Variants in COQ8B observed in about 807,000 individuals in gnomAD.
COQ8B encodes coenzyme Q8B, also known as atypical kinase COQ8B, mitochondrial.
COQ8B carries 44 observed loss-of-function variants against 62.0 expected under a neutral mutation model. The observed-to-expected ratio is 0.71, with a 90% confidence interval of 0.56 to 0.91. The LOEUF (loss-of-function observed/expected upper bound fraction) is 0.91, where lower values mean the gene tolerates loss of function less well. Ranked by LOEUF, COQ8B falls within the 40% of genes least tolerant of loss-of-function variation. COQ8B has a pLI of 0.00. For missense variants in COQ8B, 649 were observed against 731.6 expected, an observed-to-expected ratio of 0.89 and a Z score of 1.30; for synonymous variants, 252 against 289.9, an observed-to-expected ratio of 0.87 and a Z score of 1.33.
intron 13 of COQ8B, among the ~76,000 whole-genome samples, chr19:40,693,631 C>T (rs1481719784): frequency 6.6e-6 from 1 of 152,138 alleles, no homozygotes; most frequent in East Asian, 1.9e-4. Context: ...AGGGTTCCGT[C>T]CCAGCTCTGC....
At chr19:40,708,562 G>A (rs1270216323) in intron 5 of COQ8B, among the ~76,000 whole-genome samples, 1 of 152,092 alleles carries the variant, frequency 6.6e-6, no homozygotes, top group East Asian at 1.9e-4. Context: ...GGAAGTGGCA[G>A]AGTGGGGTGT....
intron 9 of COQ8B, 147 bp downstream of exon 9, chr19:40,703,394 C>T (rs1378838245): frequency 2.7e-5 from 22 of 805,816 alleles, no homozygotes; most frequent in Middle Eastern, 3.8e-4. Flanking sequence ...GGGCTCTCCC[C>T]GCCTTGGTGT....
chr19:40,706,705 C>A lies in COQ8B; in HGVS notation c.368-1258G>T, dbSNP rs2561533. On this transcript the variant is annotated intron_variant, in intron 5 of 14. Transcript: ENST00000324464. ...AAATTCCTGACCTCAAGGGATCCTC[C>A]CGCCCCAGCTTCCCAAAGTGTTGGG... 1.7e-4 allele frequency among the ~76,000 whole-genome samples: 26 copies of A among 152,290 alleles called. No individual in the cohort carries two copies. The East Asian group carries it at 4.6e-3, about 27-fold the overall frequency.
chr19:40,697,875 G>GAGAGAGAGAGAGAGAGAGGGAC (rs58313890), intron 12 of COQ8B, among the ~76,000 whole-genome samples: 18 of 103,460 alleles, frequency 1.7e-4, no homozygotes, highest in African/African-American at 7.2e-4. Flanking sequence ...GAGAGAGAGA[G>GAGAGAGAGAGAGAGAGAGGGAC]AGTTTCTACT....
In COQ8B at chr19:40,692,331, C is replaced by T; in HGVS notation, c.1339G>A (p.Glu447Lys). 1 of 1,613,652 alleles carries T rather than the reference C, an allele frequency of 6.2e-7. No individual in the cohort carries two copies. The highest frequency in any genetic ancestry group is 8.5e-7 in the Non-Finnish European group (1 of 1,179,832). The change falls in exon 15 of 15, where the codon GAG (glutamate) becomes AAG (lysine). Residue 447 changes from glutamate (E) to lysine (K), a missense_variant. Physicochemically the swap from Glu to Lys is moderately conservative, Grantham distance 56. Transcript: ENST00000324464. ...TAAGGGCCCTGGGTGGCGAAAGGCT[C>T]CCCCAGGATCATCACTGCCTCCACG... is the stretch of plus-strand genomic sequence containing the variant. ...AHVEAVMILG[E>K]PFATQGPYDF...
intron 5 of COQ8B, among the ~76,000 whole-genome samples, chr19:40,705,767 C>T (rs2082096042): frequency 1.3e-5 from 2 of 151,948 alleles, no homozygotes; most frequent in South Asian, 4.2e-4. Flanking sequence ...CAAAGCAAGA[C>T]CCTGTCTCTA....
At position 40,700,341 on chromosome 19, in the gene COQ8B, C is replaced by T. The variant is rs371869971; in HGVS notation, c.1004G>A (p.Cys335Tyr). 1 of 1,614,044 alleles carries T rather than the reference C, an allele frequency of 6.2e-7. No homozygotes were observed. The highest frequency in any genetic ancestry group is 8.5e-7 in the Non-Finnish European group (1 of 1,180,040). ...ELAGGVPLDQCQGLSQDLRNQ... is the reference protein window; with the variant it reads ...ELAGGVPLDQYQGLSQDLRNQ... ...CCGCAGGTCCTGGCTTAGGCCCTGGCACTGGTCCAGGGGGACCCCTCCAGC... is the reference window on the plus strand; with the variant it reads ...CCGCAGGTCCTGGCTTAGGCCCTGGTACTGGTCCAGGGGGACCCCTCCAGC... Residue 335 changes from cysteine to tyrosine, a missense_variant, in exon 11 of 15, where the codon TGC (cysteine) becomes TAC (tyrosine). By Grantham distance (194) the Cys-to-Tyr change is radical. Transcript: ENST00000324464.
Position 40,696,010 on chromosome 19 carries a change from C to A in COQ8B, c.1188G>T (p.Glu396Asp), listed in dbSNP as rs760973154. Residue 396 changes from glutamate (E) to aspartate (D), a missense_variant, in exon 13 of 15, where the codon GAG becomes GAT. Transcript: ENST00000324464. ...TCACCTCGATGTAATGGTCTGTGAA[C>A]TCTGTCCCAAACTCCCGGCTTGCAC... is the stretch of plus-strand genomic sequence containing the variant. ...DFGASREFGT[E>D]FTDHYIEVVK... is the part of the protein sequence containing the mutation. 6.2e-7 allele frequency: 1 copy of A among 1,614,172 alleles called. No individual in the cohort carries two copies. Among genetic ancestry groups the A allele is most frequent in the Non-Finnish European group, 8.5e-7 (1 of 1,180,030 alleles).
intron 1 of COQ8B, chr19:40,715,688 C>G: frequency 1.1e-6 from 1 of 887,164 alleles, no homozygotes; most frequent in Non-Finnish European, 1.4e-6. Context: ...ACACCCTGTT[C>G]TCTCCGCTCC....
At chr19:40,712,729 T>C (rs2082152128) in intron 4 of COQ8B, among the ~76,000 whole-genome samples, 1 of 152,222 alleles carries the variant, frequency 6.6e-6, no homozygotes, top group Non-Finnish European at 1.5e-5. Flanking sequence ...TTCTGTCCTA[T>C]TCTTCTTTTT....
intron 10 of COQ8B, 49 bp from the exon 11 acceptor site, chr19:40,700,500 G>A (rs2082053108): frequency 6.3e-7 from 1 of 1,587,872 alleles, no homozygotes; most frequent in Non-Finnish European, 8.6e-7. Context: ...TCAGGCTTGT[G>A]ACCCAGCTTG....
At position 40,703,375 on chromosome 19, in the gene COQ8B, A is replaced by T. The variant is rs545483907; in HGVS notation, c.799+166T>A. 8.7e-6 allele frequency: 6 copies of T among 688,558 alleles called. No homozygotes were observed. The Admixed American group carries it at 9.2e-5, about 11-fold the overall frequency. The allele number at this position is 688,558 out of a possible 1,614,324, so 42.7% of individuals were successfully genotyped here. A position where few individuals can be genotyped will look rare whatever the true frequency, so the allele number is the denominator to read the frequency against. On this transcript the variant is annotated intron_variant, in intron 9 of 14. Coordinates refer to ENST00000324464, the MANE Select transcript of COQ8B (RefSeq NM_024876.4). ...CATAAGGCTTTTCCCACACCTGCTC[A>T]TGCTCCCTGGGCTCTCCCCGCCTTG...
chr19:40,693,498 C>T (rs2144679813), intron 13 of COQ8B, among the ~76,000 whole-genome samples: 1 of 152,310 alleles, frequency 6.6e-6, no homozygotes, highest in African/African-American at 2.4e-5. Flanking sequence ...GCTGAGGAGG[C>T]CCTGGGTGAA....
intron 4 of COQ8B, among the ~76,000 whole-genome samples, chr19:40,711,715 A>C (rs891417608): frequency 6.6e-6 from 1 of 152,088 alleles, no homozygotes; most frequent in East Asian, 1.9e-4. Flanking sequence ...ATCTCTGTCA[A>C]TTACCATATC....
At chr19:40,714,956 T>G in intron 1 of COQ8B, 3 of 1,082,748 alleles carry the variant, frequency 2.8e-6, no homozygotes, top group Non-Finnish European at 3.4e-6. Flanking sequence ...TGCACCGCCT[T>G]CCCCTCTGTT....
chr19:40,697,822 TTATATATATA>T (rs66501221), intron 12 of COQ8B, among the ~76,000 whole-genome samples: 17 of 79,108 alleles, frequency 2.1e-4, no homozygotes, highest in Non-Finnish European at 3.9e-4. Flanking sequence ...ATAAATAAAA[TTATATATATA>T]TATATATATA....
At chr19:40,713,577 A>G (rs548393650) in intron 4 of COQ8B, among the ~76,000 whole-genome samples, 1 of 149,596 alleles carries the variant, frequency 6.7e-6, no homozygotes, top group Non-Finnish European at 1.5e-5. Context: ...ATAGCCAGGC[A>G]TAGTGGCAGG....
chr19:40,716,240 C>A (rs1484516795), intron 1 of COQ8B, among the ~76,000 whole-genome samples: 2 of 152,146 alleles, frequency 1.3e-5, no homozygotes, highest in East Asian at 3.9e-4. Context: ...AATTTCAAGA[C>A]AAACCACCTC....
At chr19:40,714,448 C>T (rs759327445) in intron 2 of COQ8B, 51 bp from the exon 3 acceptor site, 1 of 1,612,622 alleles carries the variant, frequency 6.2e-7, no homozygotes, top group East Asian at 2.2e-5. Flanking sequence ...ATCACCTGGC[C>T]CTTCTGGACC....
Sources: gnomAD v4.1 joint callset for allele counts (sites outside exome capture counted in the v4.1 genomes callset) on GRCh38, gnomAD v4.1.1 for gene constraint, MANE v1.5 for transcripts, NCBI Gene and HGNC (gene_info 2026-07-23, HGNC 2026-07-21) for gene names.